The following SLC12A5 variants were observed in gnomAD, a reference collection of about 807,000 sequenced individuals.
SLC12A5 encodes the protein K-Cl cotransporter 2.
A neutral mutation model predicts 124.0 loss-of-function variants in SLC12A5; 18 were observed. The ratio of observed to expected loss-of-function variants is 0.15; its 90% CI spans 0.10 to 0.22. The LOEUF (loss-of-function observed/expected upper bound fraction) is 0.22. SLC12A5 is among the 10% of genes least tolerant of loss of function. The pLI is 1.00. For missense variants in SLC12A5, 867 were observed against 1,478.7 expected (o/e 0.59, Z 6.78); for synonymous variants, 589 against 568.0 (o/e 1.04, Z -0.53).
At chr20:46,027,674 C>T (rs1477465830), upstream of SLC12A5, 1 of 152,304 alleles carries the variant, frequency 6.6e-6, no homozygotes, top group Non-Finnish European at 1.5e-5. Context: ...AGCTAATAAT[C>T]AGAGGCTGCT....
chr20:46,037,435 A>T (rs2084508408), intron 6 of SLC12A5, 50 bp downstream of exon 6: 3 of 1,566,242 alleles, frequency 1.9e-6, no homozygotes, highest in East Asian at 4.6e-5. Context: ...TCAGTCAGTT[A>T]ATCAGTGCTC....
rs2145508401 is a variant in SLC12A5, at chr20:46,056,666, G to A, written c.3110+102G>A. ...AGAAGGCATCCTGGTCTGTCAGCCT[G>A]CAGACCCAGCTCAGACATTGTCTTG... On this transcript the variant is annotated intron_variant, in intron 23 of 25. Coordinates refer to ENST00000243964, the MANE Select transcript of SLC12A5 (RefSeq NM_020708.5). This position sits in a 1 kb window ranked among gnomAD's most constrained non-coding sequence, Gnocchi z 4.3. 3 of 1,277,558 alleles carry A rather than the reference G, an allele frequency of 2.3e-6. No individual in the cohort carries two copies. The South Asian group carries it at 4.3e-5, about 18-fold the overall frequency. 79.1% of individuals were successfully genotyped at this position (1,277,558 alleles called of 1,614,324 possible).
chr20:46,034,642 G>A (rs1028923318), intron 1 of SLC12A5, among the ~76,000 whole-genome samples: 9 of 152,170 alleles, frequency 5.9e-5, no homozygotes, highest in East Asian at 1.9e-4. Context: ...CCCAAACACC[G>A]GTATGAGCCC....
chr20:46,043,087 C>G, intron 8 of SLC12A5, 66 bp from the exon 9 acceptor site: 1 of 1,550,114 alleles, frequency 6.5e-7, no homozygotes, highest in Non-Finnish European at 8.8e-7. Flanking sequence ...CCCCTCCCAC[C>G]TCCTGGTCCC....
chr20:46,024,755 G>A (rs151136778), upstream of SLC12A5, among the ~76,000 whole-genome samples: 370 of 152,358 alleles, frequency 2.4e-3, no homozygotes, highest in Middle Eastern at 6.8e-3. Context: ...ACTAACCCTG[G>A]ATTGCGGGCC....
At chr20:46,034,771 G>A (rs1329368220) in intron 1 of SLC12A5, among the ~76,000 whole-genome samples, 177 bp from the exon 2 acceptor site, 1 of 152,150 alleles carries the variant, frequency 6.6e-6, no homozygotes, top group Non-Finnish European at 1.5e-5. Flanking sequence ...ACCAGCTAGT[G>A]CATTAGGCTC....
intron 1 of SLC12A5, among the ~76,000 whole-genome samples, chr20:46,029,889 TGCGC>T (rs1160981762): frequency 0.29 from 21,782 of 75,136 alleles, 1,730 homozygotes; most frequent in Non-Finnish European, 0.32. Flanking sequence ...TGTGTGTGTG[TGCGC>T]GCGCGTGCGT....
chr20:46,058,084 CGCCGAGCCGTGGGGCGCGGGCG>C lies in SLC12A5; in HGVS notation c.*488_*509del, dbSNP rs751917120. On this transcript the variant is annotated 3_prime_UTR_variant, in exon 26 of 26. Coordinates refer to ENST00000243964, the MANE Select transcript of SLC12A5 (RefSeq NM_020708.5). This position sits in a 1 kb window ranked among gnomAD's most constrained non-coding sequence, Gnocchi z 5.8. ...GCTTGCCGTCTCCGCCGCCCCTTCT[CGCCGAGCCGTGGGGCGCGGGCG>C]GCCGAGCCTATACATAGTGTACAGG... The C allele has an allele frequency of 5.6e-6, 1 of 178,702 alleles. No individual in the cohort carries two copies. The highest frequency in any genetic ancestry group is 1.2e-5 in the Non-Finnish European group (1 of 86,752). 11.1% of individuals were successfully genotyped at this position (178,702 alleles called of 1,614,324 possible). A position where few individuals can be genotyped will look rare whatever the true frequency, so the allele number is the denominator to read the frequency against.
At chr20:46,028,252 A>G (rs1600585077), upstream of SLC12A5, among the ~76,000 whole-genome samples, 1 of 152,178 alleles carries the variant, frequency 6.6e-6, no homozygotes, top group East Asian at 1.9e-4. Context: ...TCTGGTCTCA[A>G]ACCGACAGGC....
In SLC12A5 at chr20:46,022,971, GGAGGAAGAGGAGGAGGAGGAA is replaced by G. The variant is rs879435751; in HGVS notation, c.96_116del (p.Arg33_Gly39del). Reference sequence around the variant, plus strand: ...AGGAGGAGGAGGAGGAGGAGGAGGAGGAGGAAGAGGAGGAGGAGGAAGAGGAGGAGGAAGAGGAGGAGGAGG... The same window carrying G: ...AGGAGGAGGAGGAGGAGGAGGAGGAGGAGGAGGAGGAAGAGGAGGAGGAGG... On this transcript the variant is annotated inframe_deletion, in exon 2 of 3. Transcript: ENST00000413737. The G allele has an allele frequency of 8.1e-3, 2,995 of 370,696 alleles. 10 individuals are homozygous for G. The highest frequency in any genetic ancestry group is 0.011 in the Non-Finnish European group (2,310 of 218,158). 23.0% of individuals were successfully genotyped at this position (370,696 alleles called of 1,614,324 possible).
intron 9 of SLC12A5, 32 bp downstream of exon 9, chr20:46,043,355 C>T (rs758210116): frequency 1.2e-6 from 2 of 1,602,190 alleles, no homozygotes; most frequent in South Asian, 1.1e-5. Flanking sequence ...GAAGACTCTG[C>T]CTGTGAGTGG....
chr20:46,038,341 C>T (rs1401051768), intron 6 of SLC12A5: 1 of 152,152 alleles, frequency 6.6e-6, no homozygotes, highest in East Asian at 1.9e-4. Context: ...GTAAGCACCA[C>T]CATGCCCAGC....
intron 1 of SLC12A5, among the ~76,000 whole-genome samples, chr20:46,033,553 C>T (rs1458598329): frequency 2.6e-5 from 4 of 152,188 alleles, no homozygotes; most frequent in African/African-American, 9.7e-5. Context: ...CTTTCTCCTG[C>T]CTAGCCTCTT....
At chr20:46,041,581 A>G (rs758938667) in intron 8 of SLC12A5, 41 bp downstream of exon 8, 2 of 1,605,010 alleles carry the variant, frequency 1.2e-6, no homozygotes, top group Admixed American at 1.7e-5. Context: ...GGAACGCTGC[A>G]GGGATTGTAG....
rs2084696508 is a variant in SLC12A5, at chr20:46,056,535, G to A, written c.3081G>A (p.Glu1027=). The A allele has an allele frequency of 6.2e-7, 1 of 1,614,016 alleles. No individual in the cohort carries two copies. The highest frequency in any genetic ancestry group is 8.5e-7 in the Non-Finnish European group (1 of 1,179,994). The change falls in exon 23 of 26, where the codon GAG becomes GAA. Residue 1027 remains glutamate (E), a synonymous_variant. Transcript: ENST00000243964. This position sits in a 1 kb window ranked among gnomAD's most constrained non-coding sequence, Gnocchi z 4.3. ...KNKGPSPVSS[E]GIKDFFSMKP... is the part of the protein sequence containing the mutation. ...AGGGCCCCAGTCCTGTCTCCTCTGA[G>A]GGCATCAAGGACTTCTTCAGCATGA...
rs976600551 is a variant in SLC12A5 at position 46,057,678 on chromosome 20, G to A, written c.*73G>A. Reference sequence around the variant, plus strand: ...CGGAGCCCTCGCCGCGCCCCCCGCCGCTGTCACCGTTTACATACAGACCCT... The same window carrying A: ...CGGAGCCCTCGCCGCGCCCCCCGCCACTGTCACCGTTTACATACAGACCCT... On this transcript the variant is annotated 3_prime_UTR_variant, in exon 26 of 26. Transcript: ENST00000243964. This position sits in a 1 kb window ranked among gnomAD's most constrained non-coding sequence, Gnocchi z 7.1. 4.2e-6 allele frequency: 5 copies of A among 1,181,970 alleles called. No homozygotes were observed. Among genetic ancestry groups the A allele is most frequent in the Non-Finnish European group, 4.8e-6 (4 of 838,446 alleles). 73.2% of individuals were successfully genotyped at this position (1,181,970 alleles called of 1,614,324 possible).
chr20:46,031,674 C>A (rs779360873), intron 1 of SLC12A5, among the ~76,000 whole-genome samples: 22 of 152,230 alleles, frequency 1.4e-4, no homozygotes, highest in Non-Finnish European at 2.1e-4. Context: ...CCAGGCCCAG[C>A]CCCAGGCCCC....
upstream of SLC12A5, among the ~76,000 whole-genome samples, chr20:46,026,011 T>C (rs1216625991): frequency 6.6e-6 from 1 of 152,186 alleles, no homozygotes; most frequent in Non-Finnish European, 1.5e-5. Context: ...CAGCCCCTTG[T>C]CCTGGTTCAG....
chr20:46,054,954 G>A lies in SLC12A5; in HGVS notation c.2718G>A (p.Thr906=), dbSNP rs376060282. 45 of 1,613,806 alleles carry A rather than the reference G, an allele frequency of 2.8e-5. No individual in the cohort carries two copies. The highest frequency in any genetic ancestry group is 3.6e-5 in the Non-Finnish European group (43 of 1,179,978). The change falls in exon 21 of 26, where the codon ACG becomes ACA. Residue 906 remains threonine (T), a synonymous_variant. Coordinates refer to ENST00000243964, the MANE Select transcript of SLC12A5 (RefSeq NM_020708.5). ...SDISAYTYEK[T]LVMEQRSQIL... is the part of the protein sequence containing the mutation. The stretch of plus-strand genomic sequence containing the variant: ...TCTCAGCTTACACCTATGAGAAGAC[G>A]TTGGTGATGGAGCAGCGTTCCCAGA...
Sources: allele counts gnomAD v4.1 joint callset (sites outside exome capture counted in the v4.1 genomes callset), GRCh38; gene constraint gnomAD v4.1.1; non-coding constraint Gnocchi (gnomAD v3.1); transcripts MANE v1.5; gene names NCBI Gene and HGNC (gene_info 2026-07-23, HGNC 2026-07-21).